The following LCORL variants were observed in gnomAD, a reference collection of about 807,000 sequenced individuals.
The protein encoded by LCORL is ligand-dependent nuclear receptor corepressor-like protein.
Under a neutral mutation model 141.8 loss-of-function variants are expected in LCORL, and 41 were observed. The observed-to-expected ratio is 0.29, with a 90% CI of 0.23 to 0.38. The LOEUF (loss-of-function observed/expected upper bound fraction) is 0.38, where lower values mean the gene tolerates loss of function less well. Among genes scored for constraint, LCORL ranks in the 10% least tolerant of loss-of-function variants. The pLI, the probability that LCORL is intolerant of heterozygous loss-of-function variation, is 1.00. For synonymous variants in LCORL, 618 were observed against 694.1 expected, an observed-to-expected ratio of 0.89 and a Z score of 1.72; for missense variants, 1,759 against 2,035.0, an observed-to-expected ratio of 0.86 and a Z score of 2.61.
At chr4:18,003,039 C>T (rs1288006599) in intron 1 of LCORL, among the ~76,000 whole-genome samples, 1 of 152,150 alleles carries the variant, frequency 6.6e-6, no homozygotes, top group Non-Finnish European at 1.5e-5. Context: ...TTTTAAATCG[C>T]AATCTGACCT....
At chr4:17,968,405 AAG>A (rs1301017214) in intron 2 of LCORL, among the ~76,000 whole-genome samples, 1 of 152,218 alleles carries the variant, frequency 6.6e-6, no homozygotes, top group Non-Finnish European at 1.5e-5. Flanking sequence ...TCCTAATAAG[AAG>A]AGAACTTACT....
intron 4 of LCORL, among the ~76,000 whole-genome samples, chr4:17,958,444 A>C (rs1034357239): frequency 3.9e-5 from 6 of 151,974 alleles, no homozygotes; most frequent in Admixed American, 3.3e-4. Flanking sequence ...CATCTTCCTG[A>C]ATCATAAGCC....
At chr4:17,965,896 T>C (rs1353649839) in intron 2 of LCORL, among the ~76,000 whole-genome samples, 2 of 152,124 alleles carry the variant, frequency 1.3e-5, no homozygotes, top group Non-Finnish European at 2.9e-5. Flanking sequence ...TTTTGGTCCC[T>C]TTAATCCATA....
At chr4:17,891,458 T>C (rs1729068693) in intron 5 of LCORL, among the ~76,000 whole-genome samples, 1 of 152,150 alleles carries the variant, frequency 6.6e-6, no homozygotes, top group East Asian at 1.9e-4. Context: ...TAAAAAAGGT[T>C]CTATATAAAA....
chr4:17,935,963 C>G (rs1384972879), intron 4 of LCORL, among the ~76,000 whole-genome samples: 2 of 152,040 alleles, frequency 1.3e-5, no homozygotes, highest in Admixed American at 1.3e-4. Context: ...TAATAAAAAA[C>G]CATGACCACT....
chr4:17,941,023 T>C (rs1002412088), intron 4 of LCORL, among the ~76,000 whole-genome samples: 1 of 152,114 alleles, frequency 6.6e-6, no homozygotes, highest in Non-Finnish European at 1.5e-5. Context: ...CAAAATAAAG[T>C]AGAAAAGATT....
At chr4:17,980,478 T>C (rs571774870) in intron 1 of LCORL, among the ~76,000 whole-genome samples, 2 of 152,334 alleles carry the variant, frequency 1.3e-5, no homozygotes, top group African/African-American at 4.8e-5. Flanking sequence ...CCTAGAATTG[T>C]GATCCTCTTG....
intron 4 of LCORL, among the ~76,000 whole-genome samples, chr4:17,919,508 A>G (rs1037423204): frequency 2.0e-5 from 3 of 152,204 alleles, no homozygotes; most frequent in African/African-American, 7.2e-5. Flanking sequence ...ATGACTGGAA[A>G]AAAGTGAGTA....
At chr4:18,011,614 C>T (rs1723805138) in intron 1 of LCORL, among the ~76,000 whole-genome samples, 1 of 152,160 alleles carries the variant, frequency 6.6e-6, no homozygotes, top group Admixed American at 6.5e-5. Context: ...TGCCCATTCC[C>T]TCCACTCTAC....
intron 4 of LCORL, among the ~76,000 whole-genome samples, chr4:17,933,059 T>TA (rs1462688296): frequency 6.6e-6 from 1 of 152,204 alleles, no homozygotes; most frequent in Non-Finnish European, 1.5e-5. Context: ...ACCTGATTTT[T>TA]ATCTTTGTGA....
chr4:18,015,861 A>G (rs1380316882), intron 1 of LCORL, among the ~76,000 whole-genome samples: 1 of 150,718 alleles, frequency 6.6e-6, no homozygotes, highest in East Asian at 1.9e-4. Context: ...ATCTAGTATG[A>G]TATAAATTTT....
At chr4:17,942,886 T>C (rs1369141416) in intron 4 of LCORL, among the ~76,000 whole-genome samples, 3 of 152,100 alleles carry the variant, frequency 2.0e-5, no homozygotes, top group Non-Finnish European at 4.4e-5. Context: ...TGAGTTTGCC[T>C]CCTGTCAGTT....
At chr4:17,971,182 T>C (rs893952582) in intron 2 of LCORL, among the ~76,000 whole-genome samples, 1 of 152,082 alleles carries the variant, frequency 6.6e-6, no homozygotes, top group Non-Finnish European at 1.5e-5. Flanking sequence ...AAGGAAACCA[T>C]AACTATCCAT....
chr4:17,876,382 C>G, exon 7 of LCORL: 1 of 1,230,838 alleles, frequency 8.1e-7, no homozygotes, highest in East Asian at 3.2e-5. Context: ...TCTTTACCAT[C>G]AATTTCTATC....
intron 1 of LCORL, among the ~76,000 whole-genome samples, chr4:18,004,119 C>G (rs914158865): frequency 6.6e-6 from 1 of 152,202 alleles, no homozygotes; most frequent in Non-Finnish European, 1.5e-5. Flanking sequence ...GTGTACATAT[C>G]CTTGCAATGA....
chr4:17,888,565 C>A (rs1326134714), intron 5 of LCORL, among the ~76,000 whole-genome samples: 1 of 152,132 alleles, frequency 6.6e-6, no homozygotes, highest in Non-Finnish European at 1.5e-5. Flanking sequence ...ATCCCCTGCC[C>A]AGGCAGAAGA....
At chr4:17,985,380 T>C (rs1477221682) in intron 1 of LCORL, among the ~76,000 whole-genome samples, 5 of 152,138 alleles carry the variant, frequency 3.3e-5, no homozygotes, top group Admixed American at 2.6e-4. Context: ...AAGTCTCCCA[T>C]TTTTATTGTG....
chr4:17,885,839 T>A (rs933104696), intron 6 of LCORL, among the ~76,000 whole-genome samples: 1 of 151,976 alleles, frequency 6.6e-6, no homozygotes, highest in African/African-American at 2.4e-5. Context: ...TAGTTCATTT[T>A]AGTAACATGA....
At chr4:17,938,660 G>A (rs899243443) in intron 4 of LCORL, among the ~76,000 whole-genome samples, 2 of 151,948 alleles carry the variant, frequency 1.3e-5, no homozygotes, top group Non-Finnish European at 2.9e-5. Flanking sequence ...TGATCCACCC[G>A]CCTCAGCCTC....
Sources: allele counts gnomAD v4.1 joint callset (sites outside exome capture counted in the v4.1 genomes callset), GRCh38; gene constraint gnomAD v4.1.1; transcripts MANE v1.5; gene names NCBI Gene and HGNC (gene_info 2026-07-23, HGNC 2026-07-21).